PFKP: variants seen among roughly 807,000 people sequenced by gnomAD.
PFKP encodes the protein ATP-dependent 6-phosphofructokinase, platelet type.
A neutral mutation model predicts 94.3 loss-of-function variants in PFKP; 101 were observed. The observed-to-expected ratio is 1.07, with a 90% CI of 0.91 to 1.26. The LOEUF is 1.26. PFKP is among the 50% of genes most tolerant of loss of function. PFKP has a pLI of 0.00. For missense variants in PFKP, 1,145 were observed against 1,103.3 expected (o/e 1.04, Z -0.53); for synonymous variants, 573 against 432.6 (o/e 1.32, Z -4.03).
rs749777605 is a variant in PFKP at position 3,134,571 on chromosome 10, C to A, written c.2111C>A (p.Ala704Asp). 3.1e-6 allele frequency: 5 copies of A among 1,611,624 alleles called. No homozygotes were observed. In the African/African-American group the frequency reaches 6.7e-5, roughly 22 times the overall value. The change falls in exon 20 of 22, where the codon GCC becomes GAC. Residue 704 changes from alanine (A) to aspartate (D), a missense_variant. Coordinates refer to ENST00000381125, the MANE Select transcript of PFKP (RefSeq NM_002627.5). ...MEWITAKLKEARGRGKKFTTD... is the reference protein window; with the variant it reads ...MEWITAKLKEDRGRGKKFTTD... ...TGGATCACTGCAAAACTCAAGGAGG[C>A]CCGGGGCAGAGGTAAGGGGTCTGGG...
At position 3,135,758 on chromosome 10, in the gene PFKP, T is replaced by C. The variant is rs1839195640; in HGVS notation, c.2145T>C (p.Asp715=). 6.2e-7 allele frequency: 1 copy of C among 1,612,170 alleles called. No individual in the cohort carries two copies. Among genetic ancestry groups the C allele is most frequent in the Admixed American group, 1.7e-5 (1 of 59,954 alleles). Residue 715 remains aspartate (D), a synonymous_variant, in exon 21 of 22, where the codon GAT becomes GAC. Coordinates refer to ENST00000381125, the MANE Select transcript of PFKP (RefSeq NM_002627.5). ...TAGGAAAAAAATTTACCACCGATGA[T>C]TCCATTTGTGTGCTGGGAATAAGCA... ...RGRGKKFTTD[D]SICVLGISKR...
At chr10:3,074,601 G>T (rs761597337) in intron 1 of PFKP, among the ~76,000 whole-genome samples, 3 of 152,200 alleles carry the variant, frequency 2.0e-5, no homozygotes, top group African/African-American at 7.2e-5. Flanking sequence ...GACACATCCC[G>T]CCAAGGGGAC....
At chr10:3,106,150 A>AG (rs138297238) in intron 7 of PFKP, among the ~76,000 whole-genome samples, 40,901 of 143,874 alleles carry the variant, frequency 0.28, 7,806 homozygotes, top group Non-Finnish European at 0.39. Context: ...CTCCCCTGGG[A>AG]GGGCCGGGGA....
intron 16 of PFKP, among the ~76,000 whole-genome samples, chr10:3,120,380 T>TGTGTGA (rs1837289481): frequency 6.7e-6 from 1 of 150,286 alleles, no homozygotes; most frequent in East Asian, 2.0e-4. Flanking sequence ...TGTGTGTGTG[T>TGTGTGA]GTGTGTGTGT....
In PFKP at chr10:3,118,914, C is replaced by T. The variant is rs372182316; in HGVS notation, c.1530+45C>T. 275 of 1,453,050 alleles carry T rather than the reference C, an allele frequency of 1.9e-4. 1 individual carries two copies. Among genetic ancestry groups the T allele is most frequent in the Middle Eastern group, 8.7e-4 (5 of 5,760 alleles). 90.0% of individuals were successfully genotyped at this position (1,453,050 alleles called of 1,614,324 possible). ...TTGCCGGTCTTGCAGGTGTGAGCCGCGCCCTGTGTTGGCTAAACATTAAGC... is the reference window on the plus strand; with the variant it reads ...TTGCCGGTCTTGCAGGTGTGAGCCGTGCCCTGTGTTGGCTAAACATTAAGC... On this transcript the variant is annotated intron_variant, in intron 15 of 21. Coordinates refer to ENST00000381125, the MANE Select transcript of PFKP (RefSeq NM_002627.5).
chr10:3,093,086 T>C lies in PFKP; in HGVS notation c.187-6189T>C, dbSNP rs564498768. On this transcript the variant is annotated intron_variant, in intron 2 of 21. Transcript: ENST00000381125. ...GTGGATGGGGGTGACCACGGAAGCCTGAGCTCCCGCTCCTGGGATGTGTGG... is the reference window on the plus strand; with the variant it reads ...GTGGATGGGGGTGACCACGGAAGCCCGAGCTCCCGCTCCTGGGATGTGTGG... 2.4e-4 allele frequency among the ~76,000 whole-genome samples: 36 copies of C among 152,034 alleles called. 1 individual carries two copies. In the South Asian group the frequency reaches 7.5e-3, roughly 32 times the overall value.
At chr10:3,129,604 A>C (rs1489615790) in intron 16 of PFKP, 8 of 562,440 alleles carry the variant, frequency 1.4e-5, no homozygotes, top group Non-Finnish European at 2.5e-5. Flanking sequence ...GGTCACCTCC[A>C]GGTGGCTGCC....
At chr10:3,091,930 ATTTTATCGCTAGTT>A (rs2131483136) in intron 2 of PFKP, among the ~76,000 whole-genome samples, 1 of 152,362 alleles carries the variant, frequency 6.6e-6, no homozygotes, top group African/African-American at 2.4e-5. Flanking sequence ...AATTCTGATC[ATTTTATCGCTAGTT>A]TTTTCCATGA....
chr10:3,122,168 G>T (rs1487659527), intron 16 of PFKP, among the ~76,000 whole-genome samples: 1 of 152,134 alleles, frequency 6.6e-6, no homozygotes, highest in African/African-American at 2.4e-5. Context: ...GGAGCGTGTA[G>T]TTAGTTGAGC....
At chr10:3,101,026 C>A in intron 3 of PFKP, 2 of 1,581,296 alleles carry the variant, frequency 1.3e-6, no homozygotes, top group Non-Finnish European at 8.7e-7. Context: ...TTTGGTTCCA[C>A]GTGCACCTGG....
At chr10:3,080,315 A>C (rs1832951530) in intron 1 of PFKP, among the ~76,000 whole-genome samples, 1 of 152,146 alleles carries the variant, frequency 6.6e-6, no homozygotes, top group African/African-American at 2.4e-5. Context: ...CAGGAGATGG[A>C]GACCATCCTG....
rs868690194 is a variant in PFKP at position 3,105,218 on chromosome 10, C to T, written c.665+59C>T. 5.9e-5 allele frequency: 88 copies of T among 1,487,788 alleles called. No homozygotes were observed. The African/African-American group carries it at 1.0e-3, about 17-fold the overall frequency. 92.2% of individuals were successfully genotyped at this position (1,487,788 alleles called of 1,614,324 possible). A position where few individuals can be genotyped will look rare whatever the true frequency, so the allele number is the denominator to read the frequency against. On this transcript the variant is annotated intron_variant, in intron 6 of 21. Transcript: ENST00000381125. ...TCAGGTGGGGGACCCTCAGCATCAT[C>T]TCCCTGAGGCTGCACCCCACATCCT...
At chr10:3,111,011 T>C (rs10508244) in intron 10 of PFKP, among the ~76,000 whole-genome samples, 16,581 of 151,858 alleles carry the variant, frequency 0.11, 1,067 homozygotes, top group South Asian at 0.24. Context: ...TGAGGTAGTA[T>C]GTTTCTGCAT....
chr10:3,124,193 C>T (rs189099830), intron 16 of PFKP, among the ~76,000 whole-genome samples: 1 of 152,168 alleles, frequency 6.6e-6, no homozygotes, highest in Non-Finnish European at 1.5e-5. Flanking sequence ...TGTGTCCCAC[C>T]AGTAGCATTT....
intron 1 of PFKP, among the ~76,000 whole-genome samples, chr10:3,080,786 A>T (rs1001807207): frequency 2.0e-5 from 3 of 152,170 alleles, no homozygotes; most frequent in African/African-American, 7.2e-5. Flanking sequence ...TTCTGGCCAC[A>T]GTGTGGCTCA....
chr10:3,108,818 T>A, intron 9 of PFKP, 25 bp downstream of exon 9: 1 of 1,503,878 alleles, frequency 6.6e-7, no homozygotes, highest in Non-Finnish European at 9.3e-7. Context: ...GTTGGGCATC[T>A]TCACAAGGTC....
At chr10:3,069,311 A>T (rs1832003769) in intron 1 of PFKP, 1 of 1,547,944 alleles carries the variant, frequency 6.5e-7, no homozygotes, top group Non-Finnish European at 8.7e-7. Flanking sequence ...GATGCAGCAG[A>T]GGATGGGATT....
At chr10:3,080,500 G>C (rs1832972228) in intron 1 of PFKP, among the ~76,000 whole-genome samples, 1 of 118,770 alleles carries the variant, frequency 8.4e-6, no homozygotes, top group Non-Finnish European at 1.6e-5. Context: ...CTGGGAGACA[G>C]AGCGAGACTC....
chr10:3,079,902 G>A (rs749985537), intron 1 of PFKP, among the ~76,000 whole-genome samples: 2 of 152,152 alleles, frequency 1.3e-5, no homozygotes, highest in Non-Finnish European at 2.9e-5. Flanking sequence ...CAGGTGTGAG[G>A]CCAAGGGGGC....
Sources: allele counts gnomAD v4.1 joint callset (sites outside exome capture counted in the v4.1 genomes callset), GRCh38; gene constraint gnomAD v4.1.1; transcripts MANE v1.5; gene names NCBI Gene and HGNC (gene_info 2026-07-23, HGNC 2026-07-21).